Variants in LTAP1 observed in about 807,000 individuals in gnomAD.
LTAP1 encodes HCV NS5A-transactivated protein 4.
the LTAP1 span, among the ~76,000 whole-genome samples, chr1:154,217,116 T>C: frequency 2.6e-5 from 4 of 151,758 alleles, no homozygotes; most frequent in East Asian, 5.8e-4. Context: ...CCAGCTAATT[T>C]TTTTGCATTT....
chr1:154,215,166 G>A, the LTAP1 span, among the ~76,000 whole-genome samples: 1 of 152,018 alleles, frequency 6.6e-6, no homozygotes, highest in Non-Finnish European at 1.5e-5. Flanking sequence ...AGCCTTCTGA[G>A]CAGCTAGGAT....
chr1:154,207,247 T>TA, the LTAP1 span: 2 of 473,252 alleles, frequency 4.2e-6, no homozygotes, highest in Middle Eastern at 5.4e-4. Context: ...AAAATAGTCT[T>TA]AGCCAATGTT....
the LTAP1 span, chr1:154,219,987 GTTT>G: frequency 8.3e-7 from 1 of 1,207,752 alleles, no homozygotes; most frequent in Admixed American, 2.6e-5. Context: ...GTTTTGTTTT[GTTT>G]TTTTTTTAAA....
At chr1:154,215,715 G>A in the LTAP1 span, among the ~76,000 whole-genome samples, 1 of 151,994 alleles carries the variant, frequency 6.6e-6, no homozygotes, top group Non-Finnish European at 1.5e-5. Flanking sequence ...AACTCCCATT[G>A]TGAAACATAA....
At chr1:154,207,928 C>T in the LTAP1 span, among the ~76,000 whole-genome samples, 170 of 152,188 alleles carry the variant, frequency 1.1e-3, no homozygotes, top group Non-Finnish European at 1.7e-3. Context: ...TGGTGAAACC[C>T]TGTCTCTACT....
the LTAP1 span, among the ~76,000 whole-genome samples, chr1:154,215,108 G>A: frequency 6.6e-6 from 1 of 151,896 alleles, no homozygotes; most frequent in East Asian, 1.9e-4. Flanking sequence ...GCCTCCCAAA[G>A]TGCTGGGATT....
chr1:154,207,420 G>A, the LTAP1 span: 2 of 1,607,920 alleles, frequency 1.2e-6, no homozygotes, highest in Non-Finnish European at 1.7e-6. Flanking sequence ...GCAACTGACT[G>A]GCTTAATCTA....
chr1:154,219,983 TTTTG>T, the LTAP1 span: 51 of 1,421,604 alleles, frequency 3.6e-5, no homozygotes, highest in South Asian at 1.8e-4. Flanking sequence ...GTCAGTTTTG[TTTTG>T]TTTTTTTTTT....
chr1:154,210,768 C>T, the LTAP1 span, among the ~76,000 whole-genome samples: 3 of 152,066 alleles, frequency 2.0e-5, no homozygotes, highest in Non-Finnish European at 4.4e-5. Context: ...TGAGCCACTG[C>T]GCCCGGCCTA....
At chr1:154,219,831 C>T in the LTAP1 span, 13 of 1,593,216 alleles carry the variant, frequency 8.2e-6, no homozygotes, top group Non-Finnish European at 1.1e-5. Flanking sequence ...GCCCTAAGGA[C>T]CTACCTTGGG....
chr1:154,218,543 G>A, the LTAP1 span, among the ~76,000 whole-genome samples: 1 of 152,214 alleles, frequency 6.6e-6, no homozygotes, highest in Non-Finnish European at 1.5e-5. Flanking sequence ...AAGAGGGGAA[G>A]GTTAATAGCA....
the LTAP1 span, among the ~76,000 whole-genome samples, chr1:154,217,497 CTT>C: frequency 6.6e-6 from 1 of 152,048 alleles, no homozygotes; most frequent in African/African-American, 2.4e-5. Context: ...TACATATTCT[CTT>C]GTGAACGGCA....
At chr1:154,206,901 T>C in the LTAP1 span, 2 of 155,536 alleles carry the variant, frequency 1.3e-5, no homozygotes, top group Non-Finnish European at 2.8e-5. Context: ...GATCCTTGCA[T>C]GTCAGGAAAG....
At chr1:154,213,547 C>T in the LTAP1 span, among the ~76,000 whole-genome samples, 1 of 152,150 alleles carries the variant, frequency 6.6e-6, no homozygotes, top group Admixed American at 6.5e-5. Context: ...CAAGTGTTGA[C>T]AGAATGGAAA....
the LTAP1 span, chr1:154,208,488 T>G: frequency 6.6e-6 from 1 of 152,180 alleles, no homozygotes; most frequent in African/African-American, 2.4e-5. Context: ...CACCTACTCA[T>G]ACCAAAAACA....
the LTAP1 span, chr1:154,208,406 C>T: frequency 6.6e-6 from 1 of 152,624 alleles, no homozygotes; most frequent in Non-Finnish European, 1.5e-5. Context: ...CTCTCTCACA[C>T]ACACCCTAAA....
At chr1:154,219,574 A>G in the LTAP1 span, among the ~76,000 whole-genome samples, 1 of 152,230 alleles carries the variant, frequency 6.6e-6, no homozygotes, top group Non-Finnish European at 1.5e-5. Flanking sequence ...ATTTTACTAC[A>G]AACAGTTGGG....
chr1:154,215,998 T>C, the LTAP1 span, among the ~76,000 whole-genome samples: 3 of 151,902 alleles, frequency 2.0e-5, no homozygotes, highest in African/African-American at 4.8e-5. Context: ...CCACCACGCC[T>C]GGCTAATTTT....
At chr1:154,219,765 G>A in the LTAP1 span, 2 of 1,115,974 alleles carry the variant, frequency 1.8e-6, no homozygotes. Flanking sequence ...ATCACTAAAG[G>A]CAGAGGAAAT....
Sources: gnomAD v4.1 joint callset for allele counts (sites outside exome capture counted in the v4.1 genomes callset) on GRCh38, gnomAD v4.1.1 for gene constraint, MANE v1.5 for transcripts, NCBI Gene and HGNC (gene_info 2026-07-23, HGNC 2026-07-21) for gene names.